CARS2: variants seen among roughly 807,000 people sequenced by gnomAD.
CARS2 encodes cysteinyl-tRNA synthetase 2, mitochondrial.
Under a neutral mutation model 68.8 loss-of-function variants are expected in CARS2, and 52 were observed. The ratio of observed to expected loss-of-function variants is 0.76; its 90% CI spans 0.61 to 0.95. The LOEUF is 0.95. Ranked by LOEUF, CARS2 falls within the 40% of genes least tolerant of loss-of-function variation. The pLI, the probability that CARS2 is intolerant of heterozygous loss-of-function variation, is 0.00. For missense variants in CARS2, 780 were observed against 754.2 expected, an observed-to-expected ratio of 1.03 and a Z score of -0.40; for synonymous variants, 314 against 303.6, an observed-to-expected ratio of 1.03 and a Z score of -0.36.
intron 9 of CARS2, among the ~76,000 whole-genome samples, chr13:110,656,924 T>A (rs142576212): frequency 6.6e-6 from 1 of 151,998 alleles, no homozygotes; most frequent in African/African-American, 2.4e-5. Flanking sequence ...AGTGGTCGTT[T>A]CACAACTGCG....
Position 110,663,488 on chromosome 13 carries a change from T to A in CARS2, c.950A>T (p.Lys317Ile). 2.5e-6 allele frequency: 4 copies of A among 1,614,106 alleles called. No homozygotes were observed. The highest frequency in any genetic ancestry group is 3.4e-6 in the Non-Finnish European group (4 of 1,180,016). ...GHLHAKGKEE[K>I]MSKSLKNYIT... is the part of the protein sequence containing the mutation. Reference sequence around the variant, plus strand: ...GTAGTTCTTTAATGATTTGGACATTTTTTCTTCTTTGCCTTTGGCGTGCAA... The same window carrying A: ...GTAGTTCTTTAATGATTTGGACATTATTTCTTCTTTGCCTTTGGCGTGCAA... Residue 317 changes from lysine to isoleucine, a missense_variant, in exon 9 of 15, where the codon AAA (lysine) becomes ATA (isoleucine). Lys to Ile is a moderately radical substitution (Grantham distance 102, BLOSUM62 -3). Transcript: ENST00000257347.
chr13:110,661,045 C>T (rs2139738485), intron 9 of CARS2, among the ~76,000 whole-genome samples: 1 of 152,308 alleles, frequency 6.6e-6, no homozygotes, highest in Non-Finnish European at 1.5e-5. Context: ...CAAACGTGAG[C>T]CACTGCACCC....
intron 6 of CARS2, among the ~76,000 whole-genome samples, chr13:110,680,797 A>G (rs949247237): frequency 6.6e-6 from 1 of 152,254 alleles, no homozygotes; most frequent in Admixed American, 6.5e-5. Flanking sequence ...ACACAAATAT[A>G]GAACAGCTAA....
upstream of CARS2, among the ~76,000 whole-genome samples, chr13:110,709,422 G>A (rs971384315): frequency 1.2e-4 from 18 of 152,016 alleles, no homozygotes; most frequent in African/African-American, 4.1e-4. Context: ...AGGCTTTTGC[G>A]GATCATCAAA....
chr13:110,648,353 G>A (rs887941627), intron 10 of CARS2: 1 of 152,252 alleles, frequency 6.6e-6, no homozygotes, highest in African/African-American at 2.4e-5. Context: ...ATCCAGATGG[G>A]GAGGGGCAGA....
At chr13:110,711,881 ATCTAC>A (rs1453607603) in intron 1 of CARS2, among the ~76,000 whole-genome samples, 1 of 152,246 alleles carries the variant, frequency 6.6e-6, no homozygotes, top group Non-Finnish European at 1.5e-5. Context: ...GCGGTTAATA[ATCTAC>A]TCTATAAATA....
intron 8 of CARS2, chr13:110,663,978 T>G: frequency 2.0e-6 from 2 of 988,912 alleles, no homozygotes; most frequent in Non-Finnish European, 2.4e-6. Flanking sequence ...GGTCTCTGAG[T>G]GGGAAGAATC....
At chr13:110,699,664 A>G (rs2063725217) in intron 3 of CARS2, among the ~76,000 whole-genome samples, 1 of 152,260 alleles carries the variant, frequency 6.6e-6, no homozygotes, top group African/African-American at 2.4e-5. Flanking sequence ...AATGGTGATT[A>G]GAGGAAGCAC....
At chr13:110,659,793 G>A (rs542182823) in intron 9 of CARS2, among the ~76,000 whole-genome samples, 30 of 152,168 alleles carry the variant, frequency 2.0e-4, no homozygotes, top group Non-Finnish European at 3.5e-4. Flanking sequence ...CTGGTGGAAG[G>A]TTTTGATTCA....
At chr13:110,647,502 T>A (rs1413768846) in intron 10 of CARS2, among the ~76,000 whole-genome samples, 1 of 145,998 alleles carries the variant, frequency 6.8e-6, no homozygotes, top group African/African-American at 2.7e-5. Context: ...AGCCAAGAGG[T>A]GCATTTCCAC....
intron 6 of CARS2, chr13:110,678,127 C>A (rs1222964022): frequency 6.6e-6 from 1 of 152,366 alleles, no homozygotes; most frequent in East Asian, 1.9e-4. Flanking sequence ...CACAGAGGCT[C>A]ATTTCTCAGG....
chr13:110,644,239 A>T, intron 13 of CARS2, 146 bp downstream of exon 13: 3 of 1,410,838 alleles, frequency 2.1e-6, no homozygotes, highest in South Asian at 1.2e-5. Context: ...GAGTGTGTTT[A>T]TTTTTCCAGG....
intron 2 of CARS2, among the ~76,000 whole-genome samples, chr13:110,702,395 A>G (rs1056985078): frequency 1.3e-5 from 2 of 152,236 alleles, no homozygotes; most frequent in Admixed American, 6.5e-5. Flanking sequence ...TTGCTTATAA[A>G]TTTGGCAAAA....
chr13:110,648,986 G>C (rs367565329), intron 10 of CARS2: 1 of 152,256 alleles, frequency 6.6e-6, no homozygotes. Flanking sequence ...GAGCAAGCAC[G>C]AGCCGGGAAG....
rs1237047485 is a variant in CARS2 at position 110,646,058 on chromosome 13, G to A, written c.1226C>T (p.Ala409Val). The A allele has an allele frequency of 6.2e-7, 1 of 1,613,842 alleles. No homozygotes were observed. Among genetic ancestry groups the A allele is most frequent in the Non-Finnish European group, 8.5e-7 (1 of 1,179,958 alleles). ...LSSTKRAVKA[A>V]LADDFDTPRV... Reference sequence around the variant, plus strand: ...GGGTGTGTCAAAATCATCTGCCAAGGCCGCCTTCACGGCCCTCTTGGTGCT... The same window carrying A: ...GGGTGTGTCAAAATCATCTGCCAAGACCGCCTTCACGGCCCTCTTGGTGCT... The change falls in exon 12 of 15, where the codon GCC (alanine) becomes GTC (valine). Residue 409 changes from alanine (A) to valine (V), a missense_variant. By Grantham distance (64) the Ala-to-Val change is moderately conservative. Transcript: ENST00000257347.
intron 9 of CARS2, among the ~76,000 whole-genome samples, chr13:110,658,651 A>G (rs2986325): frequency 0.28 from 43,009 of 152,112 alleles, 6,784 homozygotes; most frequent in African/African-American, 0.39. Context: ...GGCCAGGCGC[A>G]GTGACTCATG....
At chr13:110,706,181 GC>G (rs1484884894), upstream of CARS2, 4 of 964,320 alleles carry the variant, frequency 4.1e-6, no homozygotes, top group Non-Finnish European at 5.3e-6. Context: ...GCCCCGCCCC[GC>G]CCCGCCCACG....
intron 6 of CARS2, chr13:110,677,971 T>C (rs928773259): frequency 6.6e-6 from 1 of 152,570 alleles, no homozygotes; most frequent in African/African-American, 2.4e-5. Flanking sequence ...CAGCCGCCAG[T>C]GGGCAGCACG....
rs1249270267 is a variant in CARS2 at position 110,649,931 on chromosome 13, C to CTGTTTTTTTTTTTTTTTTTTTTTTTTT, written c.1054+1102_1054+1103insAAAAAAAAAAAAAAAAAAAAAAAAACA. On this transcript the variant is annotated intron_variant, in intron 10 of 14. Transcript: ENST00000257347. ...CCAGGGATGCAGCTCTGGATAACGACTTTTTTTTTTTTTTTTTTTTTTTTG... is the reference window on the plus strand; with the variant it reads ...CCAGGGATGCAGCTCTGGATAACGACTGTTTTTTTTTTTTTTTTTTTTTTTTTTTTTTTTTTTTTTTTTTTTTTTTTG... Among the ~76,000 whole-genome samples the CTGTTTTTTTTTTTTTTTTTTTTTTTTT allele has an allele frequency of 3.7e-4, 27 of 73,146 alleles. 2 individuals are homozygous for CTGTTTTTTTTTTTTTTTTTTTTTTTTT. The East Asian group carries it at 5.8e-3, about 16-fold the overall frequency. 48.0% of individuals were successfully genotyped at this position (73,146 alleles called of 152,430 possible).
Sources: allele counts gnomAD v4.1 joint callset (sites outside exome capture counted in the v4.1 genomes callset), GRCh38; gene constraint gnomAD v4.1.1; transcripts MANE v1.5; gene names NCBI Gene and HGNC (gene_info 2026-07-23, HGNC 2026-07-21).